Variants in CADPS observed in about 807,000 individuals in gnomAD.
CADPS encodes calcium dependent secretion activator.
CADPS carries 57 observed loss-of-function variants against 167.3 expected under a neutral mutation model. The ratio of observed to expected loss-of-function variants is 0.34; its 90% CI spans 0.28 to 0.42. The LOEUF (loss-of-function observed/expected upper bound fraction) is 0.42, where lower values mean the gene tolerates loss of function less well. Ranked by LOEUF, CADPS falls within the 20% of genes least tolerant of loss-of-function variation. CADPS has a pLI of 1.00. For missense variants in CADPS, 1,414 were observed against 1,738.1 expected (o/e 0.81, Z 3.32); for synonymous variants, 676 against 635.3 (o/e 1.06, Z -0.96).
At position 62,813,942 on chromosome 3, in the gene CADPS, G is replaced by T. The variant is rs1326011824; in HGVS notation, c.442-47958C>A. Among the ~76,000 whole-genome samples the T allele has an allele frequency of 2.0e-5, 3 of 152,048 alleles. No homozygotes were observed. The South Asian group carries it at 6.2e-4, about 31-fold the overall frequency. On this transcript the variant is annotated intron_variant, in intron 1 of 29. Transcript: ENST00000383710. Reference sequence around the variant, plus strand: ...ATAAATTTTTATTGAACGAACAAATGAATGAATGAAATATGTGGAACTTTT... The same window carrying T: ...ATAAATTTTTATTGAACGAACAAATTAATGAATGAAATATGTGGAACTTTT...
intron 4 of CADPS, among the ~76,000 whole-genome samples, chr3:62,662,029 T>C (rs111313135): frequency 8.1e-4 from 123 of 152,244 alleles, no homozygotes; most frequent in African/African-American, 2.7e-3. Flanking sequence ...AGGAAAATGT[T>C]TAAGTGGAAA....
intron 2 of CADPS, among the ~76,000 whole-genome samples, chr3:62,756,421 G>A (rs1333529615): frequency 6.6e-6 from 1 of 152,100 alleles, no homozygotes; most frequent in Non-Finnish European, 1.5e-5. Flanking sequence ...AAGGTTTGGG[G>A]CTATCCTTTT....
chr3:62,776,247 A>G (rs2152572276), intron 1 of CADPS, among the ~76,000 whole-genome samples: 1 of 152,320 alleles, frequency 6.6e-6, no homozygotes, highest in South Asian at 2.1e-4. Flanking sequence ...TAATAGGCAG[A>G]GAACAGAACA....
chr3:62,677,596 C>T (rs2076528188), intron 3 of CADPS, among the ~76,000 whole-genome samples: 1 of 152,046 alleles, frequency 6.6e-6, no homozygotes, highest in South Asian at 2.1e-4. Flanking sequence ...AAGGAATTAT[C>T]CAGCTTAAAA....
chr3:62,821,591 T>C (rs1559782471), intron 1 of CADPS, among the ~76,000 whole-genome samples: 1 of 152,170 alleles, frequency 6.6e-6, no homozygotes, highest in South Asian at 2.1e-4. Flanking sequence ...ATTCTTCCTG[T>C]GTTTCTGTGT....
chr3:62,784,774 T>G (rs1234666965), intron 1 of CADPS, among the ~76,000 whole-genome samples: 2 of 139,106 alleles, frequency 1.4e-5, no homozygotes, highest in Admixed American at 7.1e-5. Context: ...AAAAAAAAAA[T>G]AGGGAGAGAG....
At chr3:62,539,109 C>T (rs143628167) in intron 11 of CADPS, among the ~76,000 whole-genome samples, 1 of 152,230 alleles carries the variant, frequency 6.6e-6, no homozygotes, top group African/African-American at 2.4e-5. Context: ...TTCTTTCTCC[C>T]CATCCACTTG....
chr3:62,577,118 C>T (rs1304242457), intron 8 of CADPS, among the ~76,000 whole-genome samples: 1 of 152,056 alleles, frequency 6.6e-6, no homozygotes, highest in Non-Finnish European at 1.5e-5. Flanking sequence ...TTGCTGAATC[C>T]TGGAAGACCC....
At chr3:62,812,927 G>A (rs575540515) in intron 1 of CADPS, among the ~76,000 whole-genome samples, 24 of 152,198 alleles carry the variant, frequency 1.6e-4, no homozygotes, top group African/African-American at 5.5e-4. Flanking sequence ...GATGGCGGTT[G>A]ATGGATAAAG....
At chr3:62,624,066 C>A (rs1052369814) in intron 6 of CADPS, among the ~76,000 whole-genome samples, 3 of 152,008 alleles carry the variant, frequency 2.0e-5, no homozygotes, top group East Asian at 1.9e-4. Context: ...GTTTTAAAGT[C>A]CAGAGATGCT....
chr3:62,554,813 C>T (rs949524558), intron 10 of CADPS, among the ~76,000 whole-genome samples: 21 of 152,182 alleles, frequency 1.4e-4, no homozygotes, highest in South Asian at 4.1e-4. Flanking sequence ...AGTGCAGTGG[C>T]GCAGTCTTGG....
intron 3 of CADPS, among the ~76,000 whole-genome samples, chr3:62,748,124 T>C (rs1355928073): frequency 3.0e-5 from 4 of 131,844 alleles, no homozygotes; most frequent in African/African-American, 1.2e-4. Context: ...ATTGAGACCA[T>C]CCATCCTGGC....
At chr3:62,806,742 T>C (rs903712782) in intron 1 of CADPS, among the ~76,000 whole-genome samples, 14 of 152,070 alleles carry the variant, frequency 9.2e-5, no homozygotes, top group Non-Finnish European at 1.9e-4. Context: ...TTAACCTCAA[T>C]TGCAAACCAA....
intron 1 of CADPS, among the ~76,000 whole-genome samples, chr3:62,845,805 C>T (rs921713974): frequency 6.6e-5 from 10 of 152,136 alleles, no homozygotes; most frequent in Non-Finnish European, 1.5e-5. Context: ...TTGATTTCTT[C>T]CCCATTTGAC....
intron 1 of CADPS, among the ~76,000 whole-genome samples, chr3:62,819,342 G>A (rs1463492405): frequency 6.6e-6 from 1 of 151,848 alleles, no homozygotes; most frequent in East Asian, 1.9e-4. Flanking sequence ...TTTTAGTGAT[G>A]ATGCTCACAA....
intron 6 of CADPS, among the ~76,000 whole-genome samples, chr3:62,629,634 T>C (rs2064864713): frequency 6.6e-6 from 1 of 152,224 alleles, no homozygotes; most frequent in Non-Finnish European, 1.5e-5. Flanking sequence ...TAAGACTCTC[T>C]GAGGGCTTCC....
intron 27 of CADPS, among the ~76,000 whole-genome samples, chr3:62,444,540 AC>A (rs2056901825): frequency 6.6e-6 from 1 of 152,190 alleles, no homozygotes; most frequent in Non-Finnish European, 1.5e-5. Context: ...AAAGTAAATT[AC>A]TTAAGTTCTC....
chr3:62,690,015 G>A (rs1287548824), intron 3 of CADPS, among the ~76,000 whole-genome samples: 1 of 151,986 alleles, frequency 6.6e-6, no homozygotes, highest in African/African-American at 2.4e-5. Flanking sequence ...GCTAGGAGAG[G>A]TACTGATTCT....
chr3:62,628,046 G>A (rs2064457489), intron 6 of CADPS, among the ~76,000 whole-genome samples: 1 of 152,138 alleles, frequency 6.6e-6, no homozygotes. Flanking sequence ...TCTATTGTGG[G>A]TGAAGTAGAG....
Sources: allele counts gnomAD v4.1 joint callset (sites outside exome capture counted in the v4.1 genomes callset), GRCh38; gene constraint gnomAD v4.1.1; transcripts MANE v1.5; gene names NCBI Gene and HGNC (gene_info 2026-07-23, HGNC 2026-07-21).